The following CCDC30 variants were observed in gnomAD, a reference collection of about 807,000 sequenced individuals.
CCDC30 encodes coiled-coil domain containing 30.
CCDC30 carries 70 observed loss-of-function variants against 100.2 expected under a neutral mutation model. The ratio of observed to expected loss-of-function variants is 0.70; its 90% CI spans 0.58 to 0.85. The LOEUF (loss-of-function observed/expected upper bound fraction) is 0.85. Ranked by LOEUF, CCDC30 falls within the 40% of genes least tolerant of loss-of-function variation. CCDC30 has a pLI of 0.00. For synonymous variants in CCDC30, 233 were observed against 269.5 expected, an observed-to-expected ratio of 0.86 and a Z score of 1.33; for missense variants, 652 against 771.2, an observed-to-expected ratio of 0.85 and a Z score of 1.83.
intron 1 of CCDC30, among the ~76,000 whole-genome samples, chr1:42,474,460 C>G (rs548409230): frequency 6.6e-6 from 1 of 152,258 alleles, no homozygotes; most frequent in African/African-American, 2.4e-5. Flanking sequence ...TTGTTCCTGC[C>G]ATTTTAAAGA....
chr1:42,628,091 A>G (rs943262801), intron 11 of CCDC30, among the ~76,000 whole-genome samples: 1 of 152,196 alleles, frequency 6.6e-6, no homozygotes, highest in East Asian at 1.9e-4. Flanking sequence ...ACAGGGATGG[A>G]ACTGCACAAG....
At chr1:42,552,330 G>T (rs189895667) in intron 6 of CCDC30, among the ~76,000 whole-genome samples, 20 of 152,230 alleles carry the variant, frequency 1.3e-4, no homozygotes, top group Admixed American at 1.0e-3. Context: ...TCTGAATGTG[G>T]CTGTACAGGC....
At chr1:42,524,892 C>G (rs1644701613) in intron 6 of CCDC30, among the ~76,000 whole-genome samples, 1 of 152,102 alleles carries the variant, frequency 6.6e-6, no homozygotes, top group African/African-American at 2.4e-5. Flanking sequence ...CTGGTGTTTC[C>G]CAATCTGTCA....
At chr1:42,611,007 G>T in exon 11 of CCDC30, 1 of 1,610,820 alleles carries the variant, frequency 6.2e-7, no homozygotes, top group Non-Finnish European at 8.5e-7. Context: ...AATTGTCAGA[G>T]AAGCTATCTA....
intron 10 of CCDC30, among the ~76,000 whole-genome samples, chr1:42,606,024 G>A (rs1570225126): frequency 1.3e-5 from 2 of 152,092 alleles, no homozygotes; most frequent in South Asian, 2.1e-4. Flanking sequence ...AGTTAGGCAC[G>A]TTGTGAAAGC....
chr1:42,496,128 T>A (rs1644228771), intron 4 of CCDC30, among the ~76,000 whole-genome samples: 1 of 116,146 alleles, frequency 8.6e-6, no homozygotes, highest in Non-Finnish European at 1.7e-5. Context: ...GTGGAGTGTG[T>A]GTGTGTGTGT....
rs750831230 is a variant in CCDC30 at position 42,596,396 on chromosome 1, C to T, written c.1164+6913C>T. ...TTTGAAACTTCCTAACAGGGTCTGC[C>T]GGCAGGAGAAACTATTTAACCAGAG... On this transcript the variant is annotated intron_variant, in intron 10 of 16. Transcript: ENST00000668663. This position sits in a 1 kb window ranked among gnomAD's most constrained non-coding sequence, Gnocchi z 4.3. Among the ~76,000 whole-genome samples, 7 of 152,066 alleles carry T rather than the reference C, an allele frequency of 4.6e-5. No individual in the cohort carries two copies. Among genetic ancestry groups the T allele is most frequent in the Non-Finnish European group, 8.8e-5 (6 of 68,022 alleles).
At chr1:42,654,408 G>T (rs1417732222), downstream of CCDC30, 1 of 189,532 alleles carries the variant, frequency 5.3e-6, no homozygotes, top group African/African-American at 2.4e-5. Context: ...ACCCTCCTAT[G>T]CTGGGCGTGG....
At chr1:42,600,201 G>C (rs1350469631) in intron 10 of CCDC30, among the ~76,000 whole-genome samples, 1 of 151,914 alleles carries the variant, frequency 6.6e-6, no homozygotes, top group African/African-American at 2.4e-5. Context: ...AGGATAAAGA[G>C]GAACATTATT....
chr1:42,544,142 C>T (rs1386778965), intron 6 of CCDC30, among the ~76,000 whole-genome samples: 3 of 152,212 alleles, frequency 2.0e-5, no homozygotes, highest in Non-Finnish European at 2.9e-5. Flanking sequence ...GTCCTCCCAC[C>T]TCAGCCTCCC....
At chr1:42,505,360 G>A (rs1028166622) in intron 6 of CCDC30, among the ~76,000 whole-genome samples, 1 of 152,004 alleles carries the variant, frequency 6.6e-6, no homozygotes, top group Non-Finnish European at 1.5e-5. Flanking sequence ...TTCCCAAGCT[G>A]CAGGAAATCA....
At chr1:42,608,269 T>C (rs923513669) in intron 10 of CCDC30, among the ~76,000 whole-genome samples, 8 of 152,208 alleles carry the variant, frequency 5.3e-5, no homozygotes, top group Non-Finnish European at 1.2e-4. Flanking sequence ...AGAACCCCGA[T>C]AGAGAGAGAA....
chr1:42,588,300 G>A lies in CCDC30; in HGVS notation c.1002-1021G>A, dbSNP rs191916379. Among the ~76,000 whole-genome samples the A allele has an allele frequency of 1.1e-3, 170 of 152,280 alleles. 1 individual carries two copies. Among genetic ancestry groups the A allele is most frequent in the Middle Eastern group, 0.01 (3 of 294 alleles). On this transcript the variant is annotated intron_variant, in intron 9 of 16. Coordinates refer to ENST00000668663, the Ensembl canonical transcript of CCDC30. ...AAGAGTGCTAATGGCCCTTGTAGGG[G>A]TGGAGGGAAAATTTCCCCTCCCCTT...
intron 7 of CCDC30, among the ~76,000 whole-genome samples, 178 bp from the exon 12 acceptor site, chr1:42,576,842 A>T (rs1210677347): frequency 1.3e-5 from 2 of 152,210 alleles, no homozygotes; most frequent in Non-Finnish European, 2.9e-5. Context: ...TCCTTTGTCT[A>T]ACTGCCATCT....
intron 11 of CCDC30, among the ~76,000 whole-genome samples, chr1:42,612,714 G>A (rs993304516): frequency 4.6e-5 from 7 of 152,070 alleles, no homozygotes; most frequent in Non-Finnish European, 2.9e-5. Context: ...TTGGACCTGA[G>A]GTTATGATGC....
At chr1:42,639,459 T>C (rs1157539248) in intron 12 of CCDC30, among the ~76,000 whole-genome samples, 1 of 152,244 alleles carries the variant, frequency 6.6e-6, no homozygotes, top group East Asian at 1.9e-4. Flanking sequence ...GAAAATGTTA[T>C]GGCAGCCCTA....
At chr1:42,608,380 C>T (rs544460774) in intron 10 of CCDC30, among the ~76,000 whole-genome samples, 3 of 152,234 alleles carry the variant, frequency 2.0e-5, no homozygotes, top group African/African-American at 7.2e-5. Context: ...ACGGACATGC[C>T]ATCATTGTTA....
intron 11 of CCDC30, among the ~76,000 whole-genome samples, chr1:42,619,628 A>G (rs1646792679): frequency 6.6e-6 from 1 of 152,096 alleles, no homozygotes; most frequent in South Asian, 2.1e-4. Flanking sequence ...ATATAGATGA[A>G]ACCTCACAGG....
At chr1:42,614,082 CT>C (rs140335668) in intron 11 of CCDC30, among the ~76,000 whole-genome samples, 18,563 of 137,424 alleles carry the variant, frequency 0.14, 1,150 homozygotes, top group East Asian at 0.27. Context: ...CCCCAATATT[CT>C]TTTTTTTTTT....
Sources: gnomAD v4.1 joint callset for allele counts (sites outside exome capture counted in the v4.1 genomes callset) on GRCh38, gnomAD v4.1.1 for gene constraint, Gnocchi (gnomAD v3.1) non-coding constraint, MANE v1.5 for transcripts, NCBI Gene and HGNC (gene_info 2026-07-23, HGNC 2026-07-21) for gene names.